The following TNKS1BP1 variants were observed in gnomAD, a reference collection of about 807,000 sequenced individuals.
TNKS1BP1 encodes CCR4-NOT transcription complex subunit 12.
TNKS1BP1 carries 48 observed loss-of-function variants against 141.1 expected under a neutral mutation model. That is an observed-to-expected ratio of 0.34 (90% CI 0.27 to 0.43). TNKS1BP1 has a LOEUF of 0.43. Among genes scored for constraint, TNKS1BP1 ranks in the 20% least tolerant of loss-of-function variants. TNKS1BP1 has a pLI of 1.00. For synonymous variants in TNKS1BP1, 875 were observed against 898.2 expected (o/e 0.97, Z 0.46); for missense variants, 2,149 against 2,226.0 (o/e 0.97, Z 0.70).
At chr11:57,324,716 C>G (rs1267843113) in intron 1 of TNKS1BP1, 124 bp downstream of exon 1, 3 of 914,100 alleles carry the variant, frequency 3.3e-6, no homozygotes, top group African/African-American at 1.8e-5. Context: ...TTCCTGGTGA[C>G]CCCCCGACCA....
rs756866152 is a variant in TNKS1BP1 at position 57,302,515 on chromosome 11, G to A, written c.4627C>T (p.Arg1543Ter). ...CTGGCAGGAGGGCCTTGGGAGGGTC[G>A]CCGAGAAGTCTGTGCTGGCCCCTGA... is the stretch of plus-strand genomic sequence containing the variant. ...SDQGPAQTSR[R>*]PSQGPPARSP... Residue 1543 changes from arginine (R) to a stop codon, truncating the protein, a stop_gained, in exon 7 of 12, where the codon CGA becomes TGA. Transcript: ENST00000358252. LOFTEE classifies it high-confidence loss of function. The surrounding 1 kb of genome is among the most constrained non-coding windows in gnomAD (Gnocchi z 5.5). 11 of 1,611,284 alleles carry A rather than the reference G, an allele frequency of 6.8e-6. No individual in the cohort carries two copies. Among genetic ancestry groups the A allele is most frequent in the African/African-American group, 1.3e-5 (1 of 74,858 alleles).
At chr11:57,311,140 TG>T in intron 5 of TNKS1BP1, 1 of 782,678 alleles carries the variant, frequency 1.3e-6, no homozygotes, top group Non-Finnish European at 1.6e-6. Flanking sequence ...GCCCTCACCC[TG>T]GCCCAGGAAA....
chr11:57,312,839 G>T lies in TNKS1BP1; in HGVS notation c.1849C>A (p.Pro617Thr). ...GCTGGCTGCTCCTGCCCCAGGACTGGCTCCAGGATGGGCAAGGCTGCCTCC... is the reference window on the plus strand; with the variant it reads ...GCTGGCTGCTCCTGCCCCAGGACTGTCTCCAGGATGGGCAAGGCTGCCTCC... ...TREAALPILE[P>T]VLGQEQPAAP... is the part of the protein sequence containing the mutation. The change falls in exon 5 of 12, where the codon CCA becomes ACA. Residue 617 changes from proline to threonine, a missense_variant. Coordinates refer to ENST00000358252, the MANE Select transcript of TNKS1BP1 (RefSeq NM_033396.3). 1 of 1,611,448 alleles carries T rather than the reference G, an allele frequency of 6.2e-7. No individual in the cohort carries two copies. Among genetic ancestry groups the T allele is most frequent in the Non-Finnish European group, 8.5e-7 (1 of 1,178,696 alleles).
chr11:57,313,419 C>T lies in TNKS1BP1; in HGVS notation c.1269G>A (p.Leu423=). The T allele has an allele frequency of 6.2e-7, 1 of 1,611,246 alleles. No homozygotes were observed. The highest frequency in any genetic ancestry group is 8.5e-7 in the Non-Finnish European group (1 of 1,178,674). ...CACCTTCAGAGAATCGGCGCTGAAC[C>T]AGGCTGGTGGGGCGGAGGTGTGCGT... is the stretch of plus-strand genomic sequence containing the variant. ...KGDAHLRPTS[L]VQRRFSEGVL... Residue 423 remains leucine, a synonymous_variant, in exon 5 of 12, where the codon CTG becomes CTA. Coordinates refer to ENST00000358252, the MANE Select transcript of TNKS1BP1 (RefSeq NM_033396.3).
intron 5 of TNKS1BP1, 75 bp from the exon 6 acceptor site, chr11:57,310,631 T>A: frequency 1.3e-6 from 2 of 1,526,284 alleles, no homozygotes; most frequent in Non-Finnish European, 1.7e-6. Flanking sequence ...TCCAGCAGAG[T>A]CAGCGCTGCC....
chr11:57,324,396 A>AG (rs1361368238), intron 1 of TNKS1BP1, among the ~76,000 whole-genome samples: 1 of 148,028 alleles, frequency 6.8e-6, no homozygotes, highest in East Asian at 2.0e-4. Context: ...AGGACCTGTG[A>AG]GCGGGCTGTG....
At position 57,308,571 on chromosome 11, in the gene TNKS1BP1, G is replaced by T; in HGVS notation, c.4140C>A (p.His1380Gln). The change falls in exon 6 of 12, where the codon CAC becomes CAA. Residue 1380 changes from histidine to glutamine, a missense_variant. Coordinates refer to ENST00000358252, the MANE Select transcript of TNKS1BP1 (RefSeq NM_033396.3). ...VSQCPEPGLR[H>Q]NGSLSPGLEA... ...CCAGGCCAGGAGACAAGCTGCCATT[G>T]TGCCTCAGGCCGGGCTCTGGGCACT... 1.2e-6 allele frequency: 2 copies of T among 1,614,098 alleles called. No individual in the cohort carries two copies. Among genetic ancestry groups the T allele is most frequent in the Non-Finnish European group, 1.7e-6 (2 of 1,179,986 alleles).
At position 57,309,849 on chromosome 11, in the gene TNKS1BP1, C is replaced by T; in HGVS notation, c.2862G>A (p.Lys954=). 6.2e-7 allele frequency: 1 copy of T among 1,614,230 alleles called. No homozygotes were observed. The highest frequency in any genetic ancestry group is 8.5e-7 in the Non-Finnish European group (1 of 1,180,044). The change falls in exon 6 of 12, where the codon AAG becomes AAA. Residue 954 remains lysine (K), a synonymous_variant. Transcript: ENST00000358252. The surrounding 1 kb of genome is among the most constrained non-coding windows in gnomAD (Gnocchi z 4.3). ...TGCTGTAGTCCCTTATCCAAGCGCT[C>T]TTCCCAAACTCCTGTTCCTGTGGCT... The part of the protein sequence containing the change: ...AAEPQEQEFG[K]SAWIRDYSSG...
chr11:57,317,713 C>T (rs1855819235), intron 4 of TNKS1BP1, 105 bp downstream of exon 4: 1 of 1,208,770 alleles, frequency 8.3e-7, no homozygotes, highest in East Asian at 2.6e-5. Context: ...TCCCCATGGG[C>T]CTCAGTTTCC....
intron 1 of TNKS1BP1, among the ~76,000 whole-genome samples, chr11:57,323,944 G>A (rs532908260): frequency 6.6e-6 from 1 of 152,276 alleles, no homozygotes; most frequent in South Asian, 2.1e-4. Context: ...AGGTGCGGAG[G>A]TGGCCACAGC....
chr11:57,320,016 C>CA, intron 3 of TNKS1BP1, 63 bp downstream of exon 3: 40 of 1,246,378 alleles, frequency 3.2e-5, no homozygotes, highest in East Asian at 5.1e-5. Flanking sequence ...CCCCAGCCCC[C>CA]ACCCAATCCC....
Position 57,309,059 on chromosome 11 carries a change from C to T in TNKS1BP1, c.3652G>A (p.Gly1218Arg), listed in dbSNP as rs1249479849. ...TCCTTCTCCCCAACTCCGATTCCCC[C>T]CGGCTCTTCAGACCCTCCACTTTCC... is the stretch of plus-strand genomic sequence containing the variant. ...CLESGGSEEP[G>R]GIGVGEKDWT... The change falls in exon 6 of 12, where the codon GGG becomes AGG. Residue 1218 changes from glycine (G) to arginine (R), a missense_variant. By Grantham distance (125) the Gly-to-Arg change is moderately radical. Coordinates refer to ENST00000358252, the MANE Select transcript of TNKS1BP1 (RefSeq NM_033396.3). This position sits in a 1 kb window ranked among gnomAD's most constrained non-coding sequence, Gnocchi z 4.3. The T allele has an allele frequency of 2.5e-6, 4 of 1,614,216 alleles. No homozygotes were observed. Among genetic ancestry groups the T allele is most frequent in the Non-Finnish European group, 3.4e-6 (4 of 1,180,042 alleles).
intron 1 of TNKS1BP1, 21 bp from the exon 2 acceptor site, chr11:57,321,971 G>A (rs373386029): frequency 1.9e-5 from 29 of 1,515,754 alleles, no homozygotes; most frequent in Admixed American, 1.1e-4. Flanking sequence ...AGAGAGAAGA[G>A]AAGGAAAAAA....
chr11:57,307,335 G>A (rs976902958), intron 6 of TNKS1BP1, among the ~76,000 whole-genome samples: 1 of 152,194 alleles, frequency 6.6e-6, no homozygotes, highest in Middle Eastern at 3.4e-3. Context: ...AGTCCTCAAT[G>A]CAGCCTCAGT....
In TNKS1BP1 at chr11:57,317,898, C is replaced by G. The variant is rs189123531; in HGVS notation, c.729-11G>C. ...TCGGAAGGAAGGCTCCTGTGAGGGA[C>G]GAGGACAGGAAATGGAAGCACGGAA... On this transcript the variant is annotated splice_polypyrimidine_tract_variant and intron_variant, in intron 3 of 11. Coordinates refer to ENST00000358252, the MANE Select transcript of TNKS1BP1 (RefSeq NM_033396.3). 1.2e-6 allele frequency: 2 copies of G among 1,612,986 alleles called. No individual in the cohort carries two copies. The highest frequency in any genetic ancestry group is 2.7e-5 in the African/African-American group (2 of 74,904).
Position 57,308,638 on chromosome 11 carries a change from G to A in TNKS1BP1, c.4073C>T (p.Ala1358Val). The A allele has an allele frequency of 6.2e-7, 1 of 1,613,364 alleles. No individual in the cohort carries two copies. The highest frequency in any genetic ancestry group is 1.1e-5 in the South Asian group (1 of 91,062). ...LAPQNVELFG[A>V]PSEAREHGVG... Reference sequence around the variant, plus strand: ...CCCATGCTCCCTGGCTTCACTTGGAGCCCCAAAGAGCTCCACATTCTGGGG... The same window carrying A: ...CCCATGCTCCCTGGCTTCACTTGGAACCCCAAAGAGCTCCACATTCTGGGG... The change falls in exon 6 of 12, where the codon GCT becomes GTT. Residue 1358 changes from alanine to valine, a missense_variant. Physicochemically the swap from Ala to Val is moderately conservative, Grantham distance 64. Transcript: ENST00000358252.
At chr11:57,319,263 C>T (rs1275673733) in intron 3 of TNKS1BP1, among the ~76,000 whole-genome samples, 1 of 152,096 alleles carries the variant, frequency 6.6e-6, no homozygotes, top group Admixed American at 6.5e-5. Flanking sequence ...CCAGGACTGG[C>T]ACACTGCTCT....
At chr11:57,311,037 GC>G (rs1855699758) in intron 5 of TNKS1BP1, among the ~76,000 whole-genome samples, 1 of 151,858 alleles carries the variant, frequency 6.6e-6, no homozygotes, top group Non-Finnish European at 1.5e-5. Flanking sequence ...CCTCCCCCAT[GC>G]CCCATCTGAC....
chr11:57,301,147 A>C, intron 9 of TNKS1BP1, 106 bp from the exon 10 acceptor site: 1 of 1,244,752 alleles, frequency 8.0e-7, no homozygotes, highest in South Asian at 1.7e-5. Flanking sequence ...AATCAAGCAG[A>C]GACCCCTCTG....
Sources: allele counts gnomAD v4.1 joint callset (sites outside exome capture counted in the v4.1 genomes callset), GRCh38; gene constraint gnomAD v4.1.1; non-coding constraint Gnocchi (gnomAD v3.1); transcripts MANE v1.5; gene names NCBI Gene and HGNC (gene_info 2026-07-23, HGNC 2026-07-21).